Variants in KMT2E observed in about 807,000 individuals in gnomAD.
The protein encoded by KMT2E is lysine methyltransferase 2E (inactive).
Under a neutral mutation model 184.6 loss-of-function variants are expected in KMT2E, and 30 were observed. The observed-to-expected ratio is 0.16, with a 90% CI of 0.12 to 0.22. The LOEUF is 0.22. Among genes scored for constraint, KMT2E ranks in the 10% least tolerant of loss-of-function variants. The pLI, the probability that KMT2E is intolerant of heterozygous loss-of-function variation, is 1.00. For missense variants in KMT2E, 2,023 were observed against 2,237.4 expected (o/e 0.90, Z 1.93); for synonymous variants, 815 against 776.5 (o/e 1.05, Z -0.82).
chr7:105,113,223 G>A lies in KMT2E; in HGVS notation c.5467G>A (p.Gly1823Arg). ...TCCTGGCTCTGTGGCCCTGCCACATGGGGTTCAAGGACCTCAGCAGGCATC... is the reference window on the plus strand; with the variant it reads ...TCCTGGCTCTGTGGCCCTGCCACATAGGGTTCAAGGACCTCAGCAGGCATC... ...PHPGSVALPH[G>R]VQGPQQASPV... Residue 1823 changes from glycine to arginine, a missense_variant, in exon 27 of 27, where the codon GGG becomes AGG. Physicochemically the swap from Gly to Arg is moderately radical, Grantham distance 125. Coordinates refer to ENST00000311117, the MANE Select transcript of KMT2E (RefSeq NM_182931.3). The A allele has an allele frequency of 6.2e-7, 1 of 1,614,220 alleles. No individual in the cohort carries two copies. Among genetic ancestry groups the A allele is most frequent in the Admixed American group, 1.7e-5 (1 of 60,024 alleles).
chr7:105,033,528 T>C (rs1202494240), intron 1 of KMT2E, among the ~76,000 whole-genome samples: 2 of 152,190 alleles, frequency 1.3e-5, no homozygotes, highest in Non-Finnish European at 2.9e-5. Flanking sequence ...AGACGGAGTC[T>C]TGCTGTGTCG....
At chr7:105,024,033 C>T (rs1353007793) in intron 1 of KMT2E, among the ~76,000 whole-genome samples, 2 of 152,076 alleles carry the variant, frequency 1.3e-5, no homozygotes, top group East Asian at 3.8e-4. Context: ...TAATACTCAT[C>T]AGTTTTATGT....
chr7:105,111,860 A>T lies in KMT2E; in HGVS notation c.4104A>T (p.Ala1368=). ...GSPGSVIPAQ[A]HGKIFTKPDP... ...CTGGATCTGTAATTCCTGCTCAAGC[A>T]CACGGGAAAATATTCACAAAACCAG... Residue 1368 remains alanine, a synonymous_variant, in exon 27 of 27, where the codon GCA becomes GCT. Transcript: ENST00000311117. 6.2e-7 allele frequency: 1 copy of T among 1,613,878 alleles called. No homozygotes were observed. Among genetic ancestry groups the T allele is most frequent in the Non-Finnish European group, 8.5e-7 (1 of 1,179,938 alleles).
At position 105,077,326 on chromosome 7, in the gene KMT2E, A is replaced by G; in HGVS notation, c.1023A>G (p.Lys341=). ...AGAGCCATATACAAAAGAATAAGAA[A>G]ATTCTTAAATCTGCAAAAGATTTGC... ...PVESHIQKNK[K]ILKSAKDLPP... The change falls in exon 11 of 27, where the codon AAA becomes AAG. Residue 341 remains lysine, a synonymous_variant. Transcript: ENST00000311117. 1 of 1,609,876 alleles carries G rather than the reference A, an allele frequency of 6.2e-7. No individual in the cohort carries two copies. The highest frequency in any genetic ancestry group is 8.5e-7 in the Non-Finnish European group (1 of 1,177,226).
Position 105,081,814 on chromosome 7 carries a change from A to G in KMT2E, c.1358+17A>G. The G allele has an allele frequency of 2.9e-6, 3 of 1,025,478 alleles. No homozygotes were observed. The highest frequency in any genetic ancestry group is 3.0e-6 in the Non-Finnish European group (2 of 675,954). 63.5% of individuals were successfully genotyped at this position (1,025,478 alleles called of 1,614,324 possible). A position where few individuals can be genotyped will look rare whatever the true frequency, so the allele number is the denominator to read the frequency against. ...TGGAAATTGGTGAGTTCAAGTCTAT[A>G]AATGTAATCTGTTGTTTGAAAATAG... On this transcript the variant is annotated intron_variant, in intron 13 of 26. Transcript: ENST00000311117.
chr7:105,014,520 T>A lies in KMT2E; in HGVS notation c.-204T>A, dbSNP rs2129563562. ...CACATAACGGGGTTCGGGTGTCTCG[T>A]GTGTGAACATCACAGGTTAGTGCCT... On this transcript the variant is annotated 5_prime_UTR_variant, in exon 1 of 27. Coordinates refer to ENST00000311117, the MANE Select transcript of KMT2E (RefSeq NM_182931.3). 1 of 152,150 alleles carries A rather than the reference T, an allele frequency of 6.6e-6. No individual in the cohort carries two copies. Among genetic ancestry groups the A allele is most frequent in the African/African-American group, 2.4e-5 (1 of 41,382 alleles). The allele number at this position is 152,150 out of a possible 1,614,324, so 9.4% of individuals were successfully genotyped here. A position where few individuals can be genotyped will look rare whatever the true frequency, so the allele number is the denominator to read the frequency against.
At chr7:105,051,721 C>T (rs1796356413) in intron 3 of KMT2E, among the ~76,000 whole-genome samples, 1 of 152,030 alleles carries the variant, frequency 6.6e-6, no homozygotes, top group African/African-American at 2.4e-5. Context: ...TGGGTTCAAG[C>T]AGTTCTCCTG....
At chr7:105,075,589 A>G (rs1170597772) in intron 8 of KMT2E, among the ~76,000 whole-genome samples, 1 of 152,184 alleles carries the variant, frequency 6.6e-6, no homozygotes, top group African/African-American at 2.4e-5. Flanking sequence ...ATATTTTTCC[A>G]CTGTTGTAAT....
chr7:105,095,523 T>C (rs1798369157), intron 15 of KMT2E, among the ~76,000 whole-genome samples: 1 of 152,234 alleles, frequency 6.6e-6, no homozygotes. Flanking sequence ...AGAATATTTA[T>C]GTGGCCAAGA....
intron 1 of KMT2E, among the ~76,000 whole-genome samples, chr7:105,029,873 T>A (rs1216642537): frequency 6.6e-6 from 1 of 152,200 alleles, no homozygotes; most frequent in Non-Finnish European, 1.5e-5. Flanking sequence ...TGGGGGCAAC[T>A]ACATTAGTAA....
intron 6 of KMT2E, among the ~76,000 whole-genome samples, chr7:105,072,061 C>G (rs1172496866): frequency 2.6e-5 from 4 of 151,884 alleles, no homozygotes; most frequent in African/African-American, 7.3e-5. Context: ...CCTGTAATCC[C>G]AGCACTTTGG....
chr7:105,044,388 G>A (rs1261963978), intron 3 of KMT2E, among the ~76,000 whole-genome samples: 1 of 152,088 alleles, frequency 6.6e-6, no homozygotes, highest in African/African-American at 2.4e-5. Context: ...GGACTTTAAG[G>A]TATTTTTTTC....
At chr7:105,083,642 G>C (rs1197923620) in intron 13 of KMT2E, among the ~76,000 whole-genome samples, 1 of 152,204 alleles carries the variant, frequency 6.6e-6, no homozygotes, top group Non-Finnish European at 1.5e-5. Flanking sequence ...CAAAACAGTA[G>C]AGTTAATCTG....
chr7:105,065,186 C>T (rs1217425274), intron 5 of KMT2E, among the ~76,000 whole-genome samples: 1 of 152,110 alleles, frequency 6.6e-6, no homozygotes, highest in Non-Finnish European at 1.5e-5. Context: ...TACGTTGGCT[C>T]ATTATTTTTA....
intron 13 of KMT2E, among the ~76,000 whole-genome samples, chr7:105,087,206 C>G (rs1263047286): frequency 6.9e-6 from 1 of 144,262 alleles, no homozygotes; most frequent in South Asian, 2.1e-4. Flanking sequence ...TATATATATG[C>G]TTATATAATA....
At chr7:105,016,097 T>G (rs1794706971) in intron 1 of KMT2E, among the ~76,000 whole-genome samples, 4 of 152,236 alleles carry the variant, frequency 2.6e-5, no homozygotes, top group African/African-American at 9.6e-5. Flanking sequence ...TTTATATGAT[T>G]AAATGTTTCA....
chr7:105,098,628 C>T (rs2129569317), intron 15 of KMT2E, among the ~76,000 whole-genome samples: 1 of 152,176 alleles, frequency 6.6e-6, no homozygotes, highest in East Asian at 1.9e-4. Flanking sequence ...GTCTTGATCT[C>T]TTGACCTCAT....
At position 105,109,234 on chromosome 7, in the gene KMT2E, C is replaced by CTTA. The variant is rs1799062354; in HGVS notation, c.3755+6_3755+7insTTA. On this transcript the variant is annotated splice_region_variant and intron_variant, in intron 23 of 26. Transcript: ENST00000311117. ...AATGAACCAGAAGTTCAATGGTAAG[C>CTTA]CCATTGTGAAGTATGCTACTCTGGA... 6.2e-7 allele frequency: 1 copy of CTTA among 1,612,198 alleles called. No homozygotes were observed. Among genetic ancestry groups the CTTA allele is most frequent in the African/African-American group, 1.3e-5 (1 of 74,872 alleles).
rs901049546 is a variant in KMT2E, at chr7:105,114,346, G to A, written c.*1013G>A. ...GAAGCCAGACCACTAATGCATTACAGTAGTTCTTGAATACAAGGTACAACA... is the reference window on the plus strand; with the variant it reads ...GAAGCCAGACCACTAATGCATTACAATAGTTCTTGAATACAAGGTACAACA... On this transcript the variant is annotated 3_prime_UTR_variant, in exon 27 of 27. Coordinates refer to ENST00000311117, the MANE Select transcript of KMT2E (RefSeq NM_182931.3). The A allele has an allele frequency of 1.3e-5, 2 of 152,166 alleles. No individual in the cohort carries two copies. Among genetic ancestry groups the A allele is most frequent in the Non-Finnish European group, 2.9e-5 (2 of 68,020 alleles). 9.4% of individuals were successfully genotyped at this position (152,166 alleles called of 1,614,324 possible).
Sources: gnomAD v4.1 joint callset for allele counts (sites outside exome capture counted in the v4.1 genomes callset) on GRCh38, gnomAD v4.1.1 for gene constraint, MANE v1.5 for transcripts, NCBI Gene and HGNC (gene_info 2026-07-23, HGNC 2026-07-21) for gene names.